CNTN4: variants seen among roughly 807,000 people sequenced by gnomAD.
The protein encoded by CNTN4 is contactin-4.
In CNTN4, 77 loss-of-function variants were observed where a neutral mutation model predicts 122.5. That is an observed-to-expected ratio of 0.63 (90% CI 0.52 to 0.76). CNTN4 has a LOEUF of 0.76. Among genes scored for constraint, CNTN4 ranks in the 30% least tolerant of loss-of-function variants. CNTN4 has a pLI of 0.00. For missense variants in CNTN4, 1,256 were observed against 1,259.1 expected (o/e 1.00, Z 0.04); for synonymous variants, 512 against 447.0 (o/e 1.15, Z -1.83).
chr3:2,908,935 CACTCAAATACCATCAAGTA>C (rs1226208063), intron 12 of CNTN4, among the ~76,000 whole-genome samples: 2 of 152,280 alleles, frequency 1.3e-5, no homozygotes, highest in Non-Finnish European at 2.9e-5. Flanking sequence ...CCTGGCAGGA[CACTCAAATACCATCAAGTA>C]ACTGATGGCC....
chr3:2,285,464 C>T (rs2041869298), intron 2 of CNTN4, among the ~76,000 whole-genome samples: 1 of 152,056 alleles, frequency 6.6e-6, no homozygotes, highest in Non-Finnish European at 1.5e-5. Context: ...TGGGATACCT[C>T]ACAGTTTGAT....
At chr3:2,737,009 C>T (rs1308640918) in intron 5 of CNTN4, among the ~76,000 whole-genome samples, 2 of 151,842 alleles carry the variant, frequency 1.3e-5, no homozygotes, top group Non-Finnish European at 2.9e-5. Flanking sequence ...ATCTTGAATT[C>T]CTGACCTCAA....
intron 6 of CNTN4, among the ~76,000 whole-genome samples, chr3:2,757,476 T>C (rs940700844): frequency 5.9e-5 from 9 of 152,206 alleles, no homozygotes; most frequent in African/African-American, 2.2e-4. Context: ...TTATCACGTT[T>C]AGAGTGTCTG....
chr3:2,864,297 G>GTTT (rs1422050930), intron 7 of CNTN4, among the ~76,000 whole-genome samples: 3 of 152,044 alleles, frequency 2.0e-5, no homozygotes, highest in Non-Finnish European at 2.9e-5. Flanking sequence ...TGTTGTTGTT[G>GTTT]TTCCTCTCCA....
At chr3:2,565,297 T>A (rs2079109651) in intron 3 of CNTN4, among the ~76,000 whole-genome samples, 1 of 152,172 alleles carries the variant, frequency 6.6e-6, no homozygotes, top group African/African-American at 2.4e-5. Flanking sequence ...TAAAAACCAA[T>A]TAACACATAT....
At chr3:2,515,121 T>C (rs148607196) in intron 3 of CNTN4, among the ~76,000 whole-genome samples, 214 of 152,314 alleles carry the variant, frequency 1.4e-3, no homozygotes, top group African/African-American at 4.9e-3. Flanking sequence ...TCTCTTATGA[T>C]AGTTCATTGA....
intron 23 of CNTN4, among the ~76,000 whole-genome samples, chr3:3,052,646 G>C (rs1453452564): frequency 6.6e-6 from 1 of 152,180 alleles, no homozygotes; most frequent in Non-Finnish European, 1.5e-5. Flanking sequence ...TCCCAGGTAA[G>C]TGAATGTGTT....
chr3:2,759,334 T>G (rs530492266), intron 6 of CNTN4, among the ~76,000 whole-genome samples: 27 of 152,230 alleles, frequency 1.8e-4, no homozygotes, highest in South Asian at 8.3e-4. Context: ...TTTTGTATTT[T>G]CAGTAGAGAC....
intron 3 of CNTN4, among the ~76,000 whole-genome samples, chr3:2,409,971 C>T (rs1575573803): frequency 1.3e-5 from 2 of 152,150 alleles, no homozygotes; most frequent in East Asian, 1.9e-4. Context: ...AGAAAAGATT[C>T]TACTGGGTCA....
intron 3 of CNTN4, among the ~76,000 whole-genome samples, chr3:2,492,960 A>C (rs1260059203): frequency 6.6e-6 from 1 of 152,202 alleles, no homozygotes; most frequent in Non-Finnish European, 1.5e-5. Context: ...TGAACATAAA[A>C]AAATTGATTT....
At chr3:2,128,792 C>A (rs2034306129) in intron 2 of CNTN4, among the ~76,000 whole-genome samples, 1 of 152,156 alleles carries the variant, frequency 6.6e-6, no homozygotes, top group Non-Finnish European at 1.5e-5. Context: ...AGATGTAAGA[C>A]ATATTAAAGA....
chr3:2,600,258 G>T (rs62232683), intron 4 of CNTN4, among the ~76,000 whole-genome samples: 1 of 150,678 alleles, frequency 6.6e-6, no homozygotes, highest in Non-Finnish European at 1.5e-5. Context: ...CAACCTGCAG[G>T]TTTGTTACAT....
At chr3:2,311,146 A>G (rs1432755563) in intron 2 of CNTN4, among the ~76,000 whole-genome samples, 1 of 152,088 alleles carries the variant, frequency 6.6e-6, no homozygotes, top group Non-Finnish European at 1.5e-5. Context: ...GACAAAATTC[A>G]ATGAATTTCT....
In CNTN4 at chr3:3,043,618, A is replaced by G; in HGVS notation, c.2725A>G (p.Ile909Val). 1 of 1,613,974 alleles carries G rather than the reference A, an allele frequency of 6.2e-7. No individual in the cohort carries two copies. The highest frequency in any genetic ancestry group is 1.3e-5 in the African/African-American group (1 of 75,052). The change falls in exon 23 of 25, where the codon ATA becomes GTA. Residue 909 changes from isoleucine (I) to valine (V), a missense_variant. Transcript: ENST00000418658. ...PPPSQPPGNI[I>V]WNSSDSKIIL... ...ACCAAGTCAACCCCCCGGAAACATCATATGGAATTCATCAGACTCCAAAAT... is the reference window on the plus strand; with the variant it reads ...ACCAAGTCAACCCCCCGGAAACATCGTATGGAATTCATCAGACTCCAAAAT...
chr3:2,103,502 A>G (rs746590646), intron 2 of CNTN4, among the ~76,000 whole-genome samples: 2 of 152,142 alleles, frequency 1.3e-5, no homozygotes, highest in Non-Finnish European at 2.9e-5. Flanking sequence ...TGAAGATTCT[A>G]TTGTGGGAGT....
chr3:2,303,400 C>A (rs796774235), intron 2 of CNTN4, among the ~76,000 whole-genome samples: 9 of 152,232 alleles, frequency 5.9e-5, no homozygotes, highest in African/African-American at 2.2e-4. Flanking sequence ...TCTGGACAAC[C>A]ACTAATCCAC....
chr3:2,224,315 C>G (rs1428152502), intron 2 of CNTN4, among the ~76,000 whole-genome samples: 2 of 152,174 alleles, frequency 1.3e-5, no homozygotes, highest in African/African-American at 4.8e-5. Context: ...TCCTCACCTG[C>G]TCCTCTCAAA....
chr3:2,925,547 A>AAAAG (rs2094465882), intron 12 of CNTN4, 82 bp from the exon 13 acceptor site: 2 of 1,475,812 alleles, frequency 1.4e-6, no homozygotes, highest in South Asian at 2.4e-5. Flanking sequence ...TCTGTCTCAA[A>AAAAG]AAAGAAAGAA....
chr3:2,220,228 A>T (rs1007729608), intron 2 of CNTN4, among the ~76,000 whole-genome samples: 3 of 152,100 alleles, frequency 2.0e-5, no homozygotes, highest in Non-Finnish European at 2.9e-5. Flanking sequence ...TCTCATTTGG[A>T]ATTACACTCT....
Sources: allele counts gnomAD v4.1 joint callset (sites outside exome capture counted in the v4.1 genomes callset), GRCh38; gene constraint gnomAD v4.1.1; transcripts MANE v1.5; gene names NCBI Gene and HGNC (gene_info 2026-07-23, HGNC 2026-07-21).